Variants in WWP2 observed in about 807,000 individuals in gnomAD.
WWP2 encodes the protein WW domain containing E3 ubiquitin protein ligase 2, also known as NEDD4-like E3 ubiquitin-protein ligase WWP2.
In WWP2, 57 loss-of-function variants were observed where a neutral mutation model predicts 121.0. The ratio of observed to expected loss-of-function variants is 0.47; its 90% confidence interval spans 0.38 to 0.59. The LOEUF (loss-of-function observed/expected upper bound fraction) is 0.59, where lower values mean the gene tolerates loss of function less well. WWP2 is among the 20% of genes least tolerant of loss of function. The pLI, the probability that WWP2 is intolerant of heterozygous loss-of-function variation, is 0.00. For synonymous variants in WWP2, 449 were observed against 441.3 expected (o/e 1.02, Z -0.22); for missense variants, 962 against 1,158.9 (o/e 0.83, Z 2.47).
intron 6 of WWP2, 97 bp from the exon 7 acceptor site, chr16:69,871,707 A>C: frequency 1.3e-6 from 2 of 1,535,778 alleles, no homozygotes; most frequent in Admixed American, 1.9e-5. Flanking sequence ...GTTTCCAATA[A>C]ATGGCAGGAG....
chr16:69,814,261 A>G (rs560767094), intron 4 of WWP2, among the ~76,000 whole-genome samples: 4 of 152,276 alleles, frequency 2.6e-5, no homozygotes, highest in East Asian at 1.9e-4. Context: ...CCTGGGCTCA[A>G]GCGATCCTCT....
chr16:69,936,852 C>T lies in WWP2; in HGVS notation c.2118-266C>T, dbSNP rs2058807333. 14 of 494,080 alleles carry T rather than the reference C, an allele frequency of 2.8e-5. No homozygotes were observed. The South Asian group carries it at 3.5e-4, about 12-fold the overall frequency. The allele number at this position is 494,080 out of a possible 1,614,324, so 30.6% of individuals were successfully genotyped here. A position where few individuals can be genotyped will look rare whatever the true frequency, so the allele number is the denominator to read the frequency against. The stretch of plus-strand genomic sequence containing the variant: ...TCTTGCTTTAGTCTTTATCTCCACG[C>T]TTCCATACGTCTGAGGTTCAGTCGG... On this transcript the variant is annotated intron_variant, in intron 19 of 23. Coordinates refer to ENST00000359154, the MANE Select transcript of WWP2 (RefSeq NM_001270454.2).
chr16:69,842,177 A>G lies in WWP2; in HGVS notation c.575+57A>G. 4.7e-6 allele frequency: 7 copies of G among 1,493,092 alleles called. No individual in the cohort carries two copies. The South Asian group carries it at 8.3e-5, about 18-fold the overall frequency. 92.5% of individuals were successfully genotyped at this position (1,493,092 alleles called of 1,614,324 possible). A position where few individuals can be genotyped will look rare whatever the true frequency, so the allele number is the denominator to read the frequency against. ...AAGAAGTTGCTTAGAGCTATTGAAA[A>G]CATGTTGGGACATGGCGGGGAACAT... On this transcript the variant is annotated intron_variant, in intron 6 of 23. Transcript: ENST00000359154.
intron 7 of WWP2, among the ~76,000 whole-genome samples, chr16:69,874,307 G>C (rs936463203): frequency 6.6e-6 from 1 of 152,172 alleles, no homozygotes; most frequent in Non-Finnish European, 1.5e-5. Context: ...AGGACCAGAG[G>C]GGGGTCGAGG....
intron 6 of WWP2, among the ~76,000 whole-genome samples, chr16:69,864,719 T>C (rs1231368571): frequency 6.6e-6 from 1 of 151,340 alleles, no homozygotes; most frequent in Non-Finnish European, 1.5e-5. Context: ...CTGACGAATT[T>C]TTGCATTTTT....
chr16:69,832,679 G>A (rs915666392), intron 4 of WWP2, among the ~76,000 whole-genome samples: 1 of 152,094 alleles, frequency 6.6e-6, no homozygotes, highest in Non-Finnish European at 1.5e-5. Flanking sequence ...AGTTAGCTGG[G>A]ATTACAGATG....
intron 4 of WWP2, among the ~76,000 whole-genome samples, chr16:69,826,571 CAAAAAA>C (rs762732099): frequency 2.7e-5 from 1 of 37,232 alleles, no homozygotes; most frequent in Admixed American, 3.0e-4. Flanking sequence ...GACTCCGTCT[CAAAAAA>C]AAAAAAAAAA....
At chr16:69,855,934 C>T (rs140381297) in intron 6 of WWP2, among the ~76,000 whole-genome samples, 96 of 152,218 alleles carry the variant, frequency 6.3e-4, no homozygotes, top group African/African-American at 2.2e-3. Context: ...ACGTTTTGGC[C>T]TTATCTTGTT....
At chr16:69,918,697 T>C (rs1043912236) in intron 10 of WWP2, among the ~76,000 whole-genome samples, 3 of 152,238 alleles carry the variant, frequency 2.0e-5, no homozygotes, top group African/African-American at 7.2e-5. Flanking sequence ...GTTCTCTCCA[T>C]TGGCCTTCTC....
chr16:69,936,504 T>C (rs767329750), intron 19 of WWP2, 52 bp downstream of exon 19: 1 of 1,605,980 alleles, frequency 6.2e-7, no homozygotes, highest in Non-Finnish European at 8.5e-7. Flanking sequence ...GGAGATCTAG[T>C]GGGTTGCAGA....
intron 1 of WWP2, 70 bp from the exon 2 acceptor site, chr16:69,786,926 G>T: frequency 3.8e-6 from 5 of 1,331,124 alleles, no homozygotes; most frequent in Middle Eastern, 2.3e-4. Flanking sequence ...CTTAAATATT[G>T]AAATTGAGTT....
At position 69,880,137 on chromosome 16, in the gene WWP2, C is replaced by A. The variant is rs1224417492; in HGVS notation, c.704-7902C>A. ...TTATATGTGTCACTATAATATATAA[C>A]TATAAATATGTATTTATACATAATA... On this transcript the variant is annotated intron_variant, in intron 7 of 23. Coordinates refer to ENST00000359154, the MANE Select transcript of WWP2 (RefSeq NM_001270454.2). Among the ~76,000 whole-genome samples, 3 of 150,398 alleles carry A rather than the reference C, an allele frequency of 2.0e-5. No individual in the cohort carries two copies. In the East Asian group the frequency reaches 5.8e-4, roughly 29 times the overall value.
chr16:69,892,116 C>T (rs551337388), intron 8 of WWP2, among the ~76,000 whole-genome samples: 1 of 152,204 alleles, frequency 6.6e-6, no homozygotes, highest in Non-Finnish European at 1.5e-5. Context: ...TAGCCTGGCA[C>T]ATAGTGGGAC....
rs2056102063 is a variant in WWP2 at position 69,798,804 on chromosome 16, C to T, written c.193C>T (p.Leu65Phe). The T allele has an allele frequency of 6.2e-7, 1 of 1,614,068 alleles. No individual in the cohort carries two copies. The highest frequency in any genetic ancestry group is 8.5e-7 in the Non-Finnish European group (1 of 1,179,978). ...TGGGAAGCGCATTGGGAGCTCTGAG[C>T]TTCTCTGGAATGAGATCATCATTTT... ...KTGKRIGSSE[L>F]LWNEIIILNV... The change falls in exon 3 of 24, where the codon CTT (leucine) becomes TTT (phenylalanine). Residue 65 changes from leucine to phenylalanine, a missense_variant. Transcript: ENST00000359154.
intron 18 of WWP2, 127 bp downstream of exon 18, chr16:69,936,113 A>C: frequency 6.8e-7 from 1 of 1,477,686 alleles, no homozygotes; most frequent in Non-Finnish European, 9.1e-7. Context: ...CCTCTATAAG[A>C]GCTTGTGGAG....
chr16:69,770,107 C>T (rs1001253830), intron 1 of WWP2, among the ~76,000 whole-genome samples: 1 of 152,148 alleles, frequency 6.6e-6, no homozygotes, highest in Non-Finnish European at 1.5e-5. Context: ...GGTGATCTGT[C>T]TGCCTTGGCC....
chr16:69,889,192 G>C lies in WWP2; in HGVS notation c.914+943G>C, dbSNP rs149279308. Among the ~76,000 whole-genome samples the C allele has an allele frequency of 5.1e-3, 773 of 152,206 alleles. 6 individuals are homozygous for C. Among genetic ancestry groups the C allele is most frequent in the African/African-American group, 0.018 (741 of 41,518 alleles). On this transcript the variant is annotated intron_variant, in intron 8 of 23. Coordinates refer to ENST00000359154, the MANE Select transcript of WWP2 (RefSeq NM_001270454.2). ...ACACACACACAAATGTGGGCACAGT[G>C]ACCTGTGCCTGTAGTCGTAGCTACT... is the stretch of plus-strand genomic sequence containing the variant.
chr16:69,817,135 TC>T (rs2056508777), intron 4 of WWP2, among the ~76,000 whole-genome samples: 1 of 152,020 alleles, frequency 6.6e-6, no homozygotes, highest in African/African-American at 2.4e-5. Context: ...TATGCCTTTT[TC>T]CCCCCAAATG....
At chr16:69,881,198 C>T (rs1440539391) in intron 7 of WWP2, among the ~76,000 whole-genome samples, 2 of 151,994 alleles carry the variant, frequency 1.3e-5, no homozygotes, top group Non-Finnish European at 2.9e-5. Context: ...TGATACCCTA[C>T]TTTTCCTCCC....
Sources: allele counts gnomAD v4.1 joint callset (sites outside exome capture counted in the v4.1 genomes callset), GRCh38; gene constraint gnomAD v4.1.1; transcripts MANE v1.5; gene names NCBI Gene and HGNC (gene_info 2026-07-23, HGNC 2026-07-21).